GIGYF2: variants seen among roughly 807,000 people sequenced by gnomAD.
GIGYF2 encodes GRB10 interacting GYF protein 2.
GIGYF2 carries 25 observed loss-of-function variants against 208.1 expected under a neutral mutation model. That is an observed-to-expected ratio of 0.12 (90% CI 0.09 to 0.17). GIGYF2 has a LOEUF of 0.17. GIGYF2 is among the 10% of genes least tolerant of loss of function. The pLI is 1.00. For synonymous variants in GIGYF2, 534 were observed against 543.8 expected (o/e 0.98, Z 0.25); for missense variants, 1,302 against 1,579.4 (o/e 0.82, Z 2.98).
At chr2:232,748,231 T>C (rs1698220418) in intron 4 of GIGYF2, among the ~76,000 whole-genome samples, 1 of 152,246 alleles carries the variant, frequency 6.6e-6, no homozygotes, top group African/African-American at 2.4e-5. Context: ...ACTTTTGTTA[T>C]GACTTTTATC....
intron 2 of GIGYF2, among the ~76,000 whole-genome samples, chr2:232,708,221 A>G (rs980158182): frequency 6.6e-6 from 1 of 152,118 alleles, no homozygotes. Context: ...TGGTCTCCCA[A>G]AGTGCTAGGA....
At chr2:232,761,606 C>T in intron 8 of GIGYF2, 170 bp downstream of exon 8, 1 of 562,704 alleles carries the variant, frequency 1.8e-6, no homozygotes, top group South Asian at 2.1e-5. Context: ...TTAGGATTTA[C>T]TTGACTTGGT....
At chr2:232,838,838 A>T (rs965703113) in intron 22 of GIGYF2, among the ~76,000 whole-genome samples, 2 of 149,818 alleles carry the variant, frequency 1.3e-5, no homozygotes, top group African/African-American at 5.0e-5. Context: ...GGGCAGGTGC[A>T]TTTTGAGAGA....
rs1701633530 is a variant in GIGYF2 at position 232,836,383 on chromosome 2, A to AT, written c.2766+3290_2766+3291insT. Among the ~76,000 whole-genome samples, 43 of 42,682 alleles carry AT rather than the reference A, an allele frequency of 1.0e-3. 5 individuals are homozygous for AT. Among genetic ancestry groups the AT allele is most frequent in the Middle Eastern group, 0.019 (2 of 108 alleles). 28.0% of individuals were successfully genotyped at this position (42,682 alleles called of 152,430 possible). On this transcript the variant is annotated intron_variant, in intron 22 of 28. Coordinates refer to ENST00000373563, the MANE Select transcript of GIGYF2 (RefSeq NM_001103146.3). ...ATAAATATAAATATATATAAATATAAATATATATAAATATAAATATATATA... is the reference window on the plus strand; with the variant it reads ...ATAAATATAAATATATATAAATATAATATATATATAAATATAAATATATATA...
At chr2:232,852,019 G>A (rs933251437) in intron 28 of GIGYF2, among the ~76,000 whole-genome samples, 5 of 152,176 alleles carry the variant, frequency 3.3e-5, no homozygotes, top group Non-Finnish European at 5.9e-5. Flanking sequence ...GTTGCCATTT[G>A]CTGTGAAATG....
intron 21 of GIGYF2, among the ~76,000 whole-genome samples, chr2:232,830,198 A>G (rs914171319): frequency 6.6e-6 from 1 of 152,108 alleles, no homozygotes; most frequent in Admixed American, 6.5e-5. Flanking sequence ...GCCCAGTCTC[A>G]TCTCAAATTC....
intron 18 of GIGYF2, among the ~76,000 whole-genome samples, chr2:232,812,880 A>G (rs1574913407): frequency 6.6e-6 from 1 of 152,152 alleles, no homozygotes; most frequent in Admixed American, 6.5e-5. Context: ...GTGTGCCTGT[A>G]GTGCTAGCTA....
intron 5 of GIGYF2, among the ~76,000 whole-genome samples, chr2:232,753,944 T>A (rs888033952): frequency 6.6e-6 from 1 of 151,976 alleles, no homozygotes; most frequent in African/African-American, 2.4e-5. Context: ...GGCGGGCAGA[T>A]CACAAAGTCA....
intron 8 of GIGYF2, among the ~76,000 whole-genome samples, chr2:232,775,919 C>T (rs911199007): frequency 6.6e-6 from 1 of 152,108 alleles, no homozygotes; most frequent in African/African-American, 2.4e-5. Context: ...GAGTTCTAAC[C>T]CTGTTATATA....
At chr2:232,832,369 G>A (rs990554424) in intron 21 of GIGYF2, among the ~76,000 whole-genome samples, 22 of 152,350 alleles carry the variant, frequency 1.4e-4, no homozygotes, top group Middle Eastern at 3.4e-3. Context: ...TGGTTGAGGA[G>A]AGATGTTCTG....
intron 9 of GIGYF2, among the ~76,000 whole-genome samples, chr2:232,789,453 A>G (rs895130300): frequency 6.6e-6 from 1 of 152,200 alleles, no homozygotes; most frequent in African/African-American, 2.4e-5. Flanking sequence ...TTTTCACATA[A>G]TGGCTCTAGG....
intron 2 of GIGYF2, among the ~76,000 whole-genome samples, chr2:232,722,919 A>C (rs1697010141): frequency 1.3e-5 from 2 of 152,108 alleles, no homozygotes; most frequent in Non-Finnish European, 2.9e-5. Flanking sequence ...TGAAGCCATC[A>C]GTTTGATGAA....
intron 8 of GIGYF2, among the ~76,000 whole-genome samples, chr2:232,785,911 C>A (rs1317322519): frequency 6.6e-6 from 1 of 152,156 alleles, no homozygotes; most frequent in East Asian, 1.9e-4. Context: ...ATTATGAGAA[C>A]TTGAACTTTT....
In GIGYF2 at chr2:232,747,595, C is replaced by T. The variant is rs1698192458; in HGVS notation, c.42-20C>T. On this transcript the variant is annotated intron_variant, in intron 3 of 28. Coordinates refer to ENST00000373563, the MANE Select transcript of GIGYF2 (RefSeq NM_001103146.3). Reference sequence around the variant, plus strand: ...GTAGCACCAGAATGTTTGACATATTCTCTGTCTTTTCTATTCTAGGCTCCG... The same window carrying T: ...GTAGCACCAGAATGTTTGACATATTTTCTGTCTTTTCTATTCTAGGCTCCG... 6.2e-7 allele frequency: 1 copy of T among 1,613,480 alleles called. No individual in the cohort carries two copies. Among genetic ancestry groups the T allele is most frequent in the Admixed American group, 1.7e-5 (1 of 60,012 alleles).
In GIGYF2 at chr2:232,844,459, A is replaced by T; in HGVS notation, c.3190A>T (p.Ser1064Cys). The change falls in exon 25 of 29, where the codon AGT becomes TGT. Residue 1064 changes from serine (S) to cysteine (C), a missense_variant. By Grantham distance (112) the Ser-to-Cys change is moderately radical. Transcript: ENST00000373563. The stretch of plus-strand genomic sequence containing the variant: ...CCAGTGGGCATCTGACCTAGTCAGT[A>T]GTATTTGGAGTAATGCTGACACTAA... ...PNQWASDLVS[S>C]IWSNADTKNS... 6.2e-7 allele frequency: 1 copy of T among 1,611,782 alleles called. No individual in the cohort carries two copies. The highest frequency in any genetic ancestry group is 1.1e-5 in the South Asian group (1 of 91,028).
Position 232,756,251 on chromosome 2 carries a change from C to T in GIGYF2, c.296C>T (p.Ala99Val). 1 of 1,491,758 alleles carries T rather than the reference C, an allele frequency of 6.7e-7. No individual in the cohort carries two copies. Among genetic ancestry groups the T allele is most frequent in the Non-Finnish European group, 9.0e-7 (1 of 1,105,776 alleles). 92.4% of individuals were successfully genotyped at this position (1,491,758 alleles called of 1,614,324 possible). ...QRNFSMSVNS[A>V]AVLRLTGRGG... The stretch of plus-strand genomic sequence containing the variant: ...AACTTTTCCATGTCTGTAAATAGTG[C>T]TGCTGTCCTGCGATTGACAGGACGA... The change falls in exon 6 of 29, where the codon GCT becomes GTT. Residue 99 changes from alanine (A) to valine (V), a missense_variant. Transcript: ENST00000373563.
rs1303591875 is a variant in GIGYF2 at position 232,830,342 on chromosome 2, T to TC, written c.2530-2515_2530-2514insC. On this transcript the variant is annotated intron_variant, in intron 21 of 28. Transcript: ENST00000373563. ...TTGATGTTTAGTTCAGCTTTTATAA[T>TC]TACATGTGTGACAGTTGGTCCAACC... Among the ~76,000 whole-genome samples, 3 of 152,210 alleles carry TC rather than the reference T, an allele frequency of 2.0e-5. No individual in the cohort carries two copies. In the East Asian group the frequency reaches 5.8e-4, roughly 29 times the overall value.
At chr2:232,807,168 C>T (rs779528347) in intron 15 of GIGYF2, among the ~76,000 whole-genome samples, 2 of 152,082 alleles carry the variant, frequency 1.3e-5, no homozygotes, top group African/African-American at 2.4e-5. Flanking sequence ...ATAAATGTTA[C>T]CAGTGCTTCA....
Position 232,816,730 on chromosome 2 carries a change from C to A in GIGYF2, c.2209-141C>A, listed in dbSNP as rs911636608. 4.2e-6 allele frequency: 3 copies of A among 709,078 alleles called. No individual in the cohort carries two copies. The African/African-American group carries it at 5.3e-5, about 13-fold the overall frequency. 43.9% of individuals were successfully genotyped at this position (709,078 alleles called of 1,614,324 possible). Reference sequence around the variant, plus strand: ...TATGTATATAACATATTTTGTTTATCTATTGATCTGTTGGATCACCTGGTT... The same window carrying A: ...TATGTATATAACATATTTTGTTTATATATTGATCTGTTGGATCACCTGGTT... On this transcript the variant is annotated intron_variant, in intron 19 of 28. Coordinates refer to ENST00000373563, the MANE Select transcript of GIGYF2 (RefSeq NM_001103146.3).
Sources: gnomAD v4.1 joint callset for allele counts (sites outside exome capture counted in the v4.1 genomes callset) on GRCh38, gnomAD v4.1.1 for gene constraint, MANE v1.5 for transcripts, NCBI Gene and HGNC (gene_info 2026-07-23, HGNC 2026-07-21) for gene names.